PPP2R2C: variants seen among roughly 807,000 people sequenced by gnomAD.
PPP2R2C encodes protein phosphatase 2, regulatory subunit B, gamma.
PPP2R2C carries 10 observed loss-of-function variants against 45.3 expected under a neutral mutation model. The observed-to-expected ratio is 0.22, with a 90% CI of 0.14 to 0.37. PPP2R2C has a LOEUF of 0.37. Among genes scored for constraint, PPP2R2C ranks in the 10% least tolerant of loss-of-function variants. PPP2R2C has a pLI of 1.00. For missense variants in PPP2R2C, 308 were observed against 619.7 expected, an observed-to-expected ratio of 0.50 and a Z score of 5.34; for synonymous variants, 257 against 245.4, an observed-to-expected ratio of 1.05 and a Z score of -0.44.
intron 1 of PPP2R2C, among the ~76,000 whole-genome samples, chr4:6,441,412 G>A (rs934809241): frequency 7.2e-5 from 11 of 152,074 alleles, no homozygotes; most frequent in African/African-American, 2.7e-4. Flanking sequence ...CCCGCCCCAT[G>A]AGCCCCATGG....
chr4:6,477,238 A>C (rs1275668685), upstream of PPP2R2C, among the ~76,000 whole-genome samples: 1 of 152,136 alleles, frequency 6.6e-6, no homozygotes, highest in Non-Finnish European at 1.5e-5. Flanking sequence ...CCACACAGCA[A>C]GATTCTCTTC....
chr4:6,517,915 A>G (rs1375044993), intron 2 of PPP2R2C, among the ~76,000 whole-genome samples: 2 of 152,180 alleles, frequency 1.3e-5, no homozygotes, highest in African/African-American at 2.4e-5. Context: ...TCAGCTAATG[A>G]CTTGTGCACA....
intron 1 of PPP2R2C, among the ~76,000 whole-genome samples, chr4:6,549,860 G>T (rs749839626): frequency 5.3e-5 from 8 of 152,198 alleles, no homozygotes; most frequent in African/African-American, 1.9e-4. Flanking sequence ...CAGCTGTAAC[G>T]AACGTTATTT....
At chr4:6,445,067 T>C (rs1720349118) in intron 1 of PPP2R2C, among the ~76,000 whole-genome samples, 1 of 152,132 alleles carries the variant, frequency 6.6e-6, no homozygotes, top group African/African-American at 2.4e-5. Context: ...TGCCTGCCTG[T>C]AGTCCCAGCT....
At chr4:6,356,297 C>T (rs1271309922) in intron 5 of PPP2R2C, among the ~76,000 whole-genome samples, 1 of 152,222 alleles carries the variant, frequency 6.6e-6, no homozygotes, top group Non-Finnish European at 1.5e-5. Context: ...ACTAGCTTCG[C>T]ATCTGTAGCT....
chr4:6,512,317 A>ATGG (rs1723637027), intron 2 of PPP2R2C, among the ~76,000 whole-genome samples: 1 of 62,900 alleles, frequency 1.6e-5, no homozygotes, highest in Non-Finnish European at 3.3e-5. Context: ...GGTGGTGATT[A>ATGG]TGGTGGTAGT....
chr4:6,446,135 C>T (rs187728041), intron 1 of PPP2R2C, among the ~76,000 whole-genome samples: 24 of 152,278 alleles, frequency 1.6e-4, no homozygotes, highest in Non-Finnish European at 2.2e-4. Context: ...CTTATGGTCA[C>T]GCTGGATATT....
intron 6 of PPP2R2C, among the ~76,000 whole-genome samples, chr4:6,338,671 G>A (rs1733189040): frequency 6.6e-6 from 1 of 152,146 alleles, no homozygotes; most frequent in South Asian, 2.1e-4. Flanking sequence ...TGCTGCTGCT[G>A]CCTCACACAC....
In PPP2R2C at chr4:6,356,786, C is replaced by T. The variant is rs1327922607; in HGVS notation, c.626-8776G>A. ...CTTTCATCTGCTGTGGAGCCTCGGG[C>T]TAGCCTCTCAGCCTCTCTGGACTCT... On this transcript the variant is annotated intron_variant, in intron 5 of 8. Coordinates refer to ENST00000382599, the MANE Select transcript of PPP2R2C (RefSeq NM_020416.4). Among the ~76,000 whole-genome samples, 5 of 152,244 alleles carry T rather than the reference C, an allele frequency of 3.3e-5. No individual in the cohort carries two copies. In the South Asian group the frequency reaches 1.0e-3, roughly 32 times the overall value.
rs139043130 is a variant in PPP2R2C, at chr4:6,438,403, C to T, written c.70+33757G>A. Among the ~76,000 whole-genome samples the T allele has an allele frequency of 4.9e-4, 75 of 152,302 alleles. 1 individual carries two copies. Among genetic ancestry groups the T allele is most frequent in the African/African-American group, 1.6e-3 (65 of 41,566 alleles). On this transcript the variant is annotated intron_variant, in intron 1 of 8. Transcript: ENST00000382599. ...CCCAAGAGAATAGACTCATTCCCTG[C>T]GCACCTACCTCTTAGCTCAGTTTGG...
chr4:6,382,456 A>G (rs770519451), intron 1 of PPP2R2C: 2 of 1,351,936 alleles, frequency 1.5e-6, no homozygotes, highest in South Asian at 1.1e-5. Flanking sequence ...GTGATGACCA[A>G]ACTCCTGAGC....
chr4:6,520,418 C>T (rs1293758975), intron 2 of PPP2R2C, among the ~76,000 whole-genome samples: 2 of 152,236 alleles, frequency 1.3e-5, no homozygotes, highest in Non-Finnish European at 2.9e-5. Flanking sequence ...CTCTCAGGCA[C>T]TGCCCTGAGC....
intron 1 of PPP2R2C, among the ~76,000 whole-genome samples, chr4:6,451,081 A>G (rs1387731024): frequency 6.6e-6 from 1 of 152,220 alleles, no homozygotes; most frequent in Non-Finnish European, 1.5e-5. Context: ...CAAGCTGGTC[A>G]GGCGATGCTC....
intron 1 of PPP2R2C, among the ~76,000 whole-genome samples, chr4:6,410,842 TTTA>T (rs1718128138): frequency 1.3e-4 from 1 of 7,626 alleles, no homozygotes; most frequent in African/African-American, 2.1e-4. Flanking sequence ...TTCCCCCTGT[TTTA>T]TTTATTTATT....
chr4:6,389,946 T>C (rs4391116), intron 1 of PPP2R2C, among the ~76,000 whole-genome samples: 38,712 of 151,740 alleles, frequency 0.26, 5,337 homozygotes, highest in South Asian at 0.38. Flanking sequence ...GGGTCAGAGA[T>C]GGGAGGCTGA....
chr4:6,371,000 G>C (rs780649097), intron 5 of PPP2R2C, among the ~76,000 whole-genome samples: 6 of 152,234 alleles, frequency 3.9e-5, no homozygotes, highest in Non-Finnish European at 7.3e-5. Flanking sequence ...TTTGGGACAA[G>C]AGAAGGGAGA....
intron 8 of PPP2R2C, among the ~76,000 whole-genome samples, chr4:6,326,334 C>G (rs1731936611): frequency 6.6e-6 from 1 of 152,242 alleles, no homozygotes; most frequent in Non-Finnish European, 1.5e-5. Context: ...CCTAGGGATA[C>G]AGCATGGGCC....
chr4:6,524,016 C>T (rs1021127773), intron 2 of PPP2R2C, among the ~76,000 whole-genome samples: 1 of 152,148 alleles, frequency 6.6e-6, no homozygotes, highest in Admixed American at 6.5e-5. Context: ...CAGGTTGAAG[C>T]AATTCTCCTG....
At chr4:6,339,844 G>A (rs967362002) in intron 6 of PPP2R2C, among the ~76,000 whole-genome samples, 1 of 152,218 alleles carries the variant, frequency 6.6e-6, no homozygotes, top group African/African-American at 2.4e-5. Context: ...CCACGAGGGT[G>A]GAGTGGCCTG....
Sources: allele counts gnomAD v4.1 joint callset (sites outside exome capture counted in the v4.1 genomes callset), GRCh38; gene constraint gnomAD v4.1.1; transcripts MANE v1.5; gene names NCBI Gene and HGNC (gene_info 2026-07-23, HGNC 2026-07-21).